The following PLCB1 variants were observed in gnomAD, a reference collection of about 807,000 sequenced individuals.
PLCB1 encodes the protein 1-phosphatidylinositol 4,5-bisphosphate phosphodiesterase beta-1.
In PLCB1, 46 loss-of-function variants were observed where a neutral mutation model predicts 161.8. The observed-to-expected ratio is 0.28, with a 90% CI of 0.22 to 0.36. The LOEUF is 0.36. Among genes scored for constraint, PLCB1 ranks in the 10% least tolerant of loss-of-function variants. PLCB1 has a pLI of 1.00. For missense variants in PLCB1, 1,016 were observed against 1,472.5 expected, an observed-to-expected ratio of 0.69 and a Z score of 5.07; for synonymous variants, 517 against 503.7, an observed-to-expected ratio of 1.03 and a Z score of -0.35.
At chr20:8,180,164 G>A (rs2051826840) in intron 2 of PLCB1, among the ~76,000 whole-genome samples, 1 of 152,114 alleles carries the variant, frequency 6.6e-6, no homozygotes, top group Admixed American at 6.5e-5. Context: ...GGCCTGTTGA[G>A]GGCTTTTAAC....
At chr20:8,399,351 T>G (rs1446112290) in intron 3 of PLCB1, among the ~76,000 whole-genome samples, 1 of 152,222 alleles carries the variant, frequency 6.6e-6, no homozygotes, top group Admixed American at 6.5e-5. Context: ...AAAGTCTATC[T>G]TTTGTACTAC....
chr20:8,489,829 C>G (rs1982872079), intron 3 of PLCB1, among the ~76,000 whole-genome samples: 1 of 152,220 alleles, frequency 6.6e-6, no homozygotes, highest in Non-Finnish European at 1.5e-5. Flanking sequence ...TCTTCTACAT[C>G]TGAATCTAAA....
At chr20:8,491,920 G>C (rs1296834838) in intron 3 of PLCB1, among the ~76,000 whole-genome samples, 1 of 151,740 alleles carries the variant, frequency 6.6e-6, no homozygotes, top group African/African-American at 2.4e-5. Flanking sequence ...TGTATGTTTT[G>C]GCTGTTTTTT....
intron 2 of PLCB1, among the ~76,000 whole-genome samples, chr20:8,306,718 C>T (rs146022211): frequency 5.9e-5 from 9 of 152,326 alleles, no homozygotes; most frequent in African/African-American, 2.2e-4. Flanking sequence ...ATGAAGAACT[C>T]TCCTTTTACC....
chr20:8,687,542 G>A (rs556067234), intron 10 of PLCB1, among the ~76,000 whole-genome samples: 71 of 152,162 alleles, frequency 4.7e-4, no homozygotes, highest in Non-Finnish European at 8.2e-4. Flanking sequence ...ATGCCTTTGC[G>A]TCCTCATAGC....
chr20:8,712,577 T>G (rs1426130689), intron 12 of PLCB1, among the ~76,000 whole-genome samples: 4 of 152,216 alleles, frequency 2.6e-5, no homozygotes, highest in Non-Finnish European at 5.9e-5. Context: ...ACTTGTGAAC[T>G]AACACTTTTA....
At chr20:8,483,863 A>T (rs1394787295) in intron 3 of PLCB1, among the ~76,000 whole-genome samples, 1 of 152,224 alleles carries the variant, frequency 6.6e-6, no homozygotes, top group Non-Finnish European at 1.5e-5. Flanking sequence ...TAAAATAATG[A>T]TAAAATAAAT....
chr20:8,174,619 T>C (rs2051764232), intron 2 of PLCB1, among the ~76,000 whole-genome samples: 1 of 152,238 alleles, frequency 6.6e-6, no homozygotes, highest in South Asian at 2.1e-4. Flanking sequence ...AAACATTATG[T>C]TAGCATCCGA....
intron 3 of PLCB1, among the ~76,000 whole-genome samples, chr20:8,615,459 T>C (rs1988018592): frequency 6.6e-6 from 1 of 152,190 alleles, no homozygotes; most frequent in African/African-American, 2.4e-5. Flanking sequence ...ATAAAGTGCC[T>C]TTATTTTCAA....
chr20:8,566,110 AAATTTTAAAAATTAGTTCT>A lies in PLCB1; in HGVS notation c.247-62181_247-62163del, dbSNP rs565570788. On this transcript the variant is annotated intron_variant, in intron 3 of 31. Coordinates refer to ENST00000338037, the MANE Select transcript of PLCB1 (RefSeq NM_015192.4). ...TAGGAATTTTTAAATCATCGCTTTT[AAATTTTAAAAATTAGTTCT>A]AAGACCCCAAACTATGTGCAATTTT... is the stretch of plus-strand genomic sequence containing the variant. Among the ~76,000 whole-genome samples, 11 of 152,294 alleles carry A rather than the reference AAATTTTAAAAATTAGTTCT, an allele frequency of 7.2e-5. No individual in the cohort carries two copies. In the South Asian group the frequency reaches 2.3e-3, roughly 32 times the overall value.
chr20:8,758,221 A>C (rs1981836633), intron 24 of PLCB1, among the ~76,000 whole-genome samples: 1 of 140,052 alleles, frequency 7.1e-6, no homozygotes, highest in Admixed American at 7.1e-5. Context: ...CATGGGAGAG[A>C]AAGAGAATTA....
chr20:8,388,229 C>T (rs1987487333), intron 3 of PLCB1, among the ~76,000 whole-genome samples: 1 of 151,950 alleles, frequency 6.6e-6, no homozygotes, highest in Non-Finnish European at 1.5e-5. Context: ...TGACCGTTTC[C>T]TGCTAATATT....
At chr20:8,155,570 C>A (rs571313310) in intron 2 of PLCB1, among the ~76,000 whole-genome samples, 1 of 152,312 alleles carries the variant, frequency 6.6e-6, no homozygotes, top group Non-Finnish European at 1.5e-5. Flanking sequence ...TAAATGTCAA[C>A]AAGAAAATCT....
chr20:8,197,192 G>T (rs562279269), intron 2 of PLCB1, among the ~76,000 whole-genome samples: 10 of 152,222 alleles, frequency 6.6e-5, no homozygotes, highest in Non-Finnish European at 1.2e-4. Context: ...CCAGTAATGG[G>T]ATGGCTGGGT....
chr20:8,555,666 T>C (rs1985927973), intron 3 of PLCB1, among the ~76,000 whole-genome samples: 1 of 152,132 alleles, frequency 6.6e-6, no homozygotes, highest in Admixed American at 6.6e-5. Flanking sequence ...ATATTTTGTG[T>C]TAATGATAAG....
At chr20:8,208,610 A>G (rs1227907154) in intron 2 of PLCB1, among the ~76,000 whole-genome samples, 2 of 142 alleles carry the variant, frequency 0.014, no homozygotes, top group East Asian at 0.33. Flanking sequence ...GTTTAGTATC[A>G]TGGCATCTGT....
chr20:8,724,467 T>A (rs911414649), intron 15 of PLCB1, among the ~76,000 whole-genome samples, 189 bp from the exon 16 acceptor site: 3 of 152,096 alleles, frequency 2.0e-5, no homozygotes, highest in Non-Finnish European at 2.9e-5. Context: ...CCACCTCCCT[T>A]CCTCCCTCCC....
intron 2 of PLCB1, among the ~76,000 whole-genome samples, chr20:8,224,622 A>T (rs1379234520): frequency 2.0e-5 from 3 of 152,168 alleles, no homozygotes; most frequent in Non-Finnish European, 4.4e-5. Flanking sequence ...GAACTTTTTG[A>T]TGGTATTATA....
chr20:8,633,122 ACACACAC>A (rs1301555710), intron 4 of PLCB1, among the ~76,000 whole-genome samples: 3 of 150,614 alleles, frequency 2.0e-5, no homozygotes, highest in Non-Finnish European at 4.4e-5. Flanking sequence ...ACACACACAC[ACACACAC>A]ACACACACAC....
Sources: allele counts gnomAD v4.1 joint callset (sites outside exome capture counted in the v4.1 genomes callset), GRCh38; gene constraint gnomAD v4.1.1; transcripts MANE v1.5; gene names NCBI Gene and HGNC (gene_info 2026-07-23, HGNC 2026-07-21).